The following PTPRN2 variants were observed in gnomAD, a reference collection of about 807,000 sequenced individuals.
The protein encoded by PTPRN2 is receptor-type tyrosine-protein phosphatase N2.
In PTPRN2, 74 loss-of-function variants were observed where a neutral mutation model predicts 118.8. The observed-to-expected ratio is 0.62, with a 90% CI of 0.52 to 0.76. The LOEUF is 0.76. PTPRN2 is among the 30% of genes least tolerant of loss of function. PTPRN2 has a pLI of 0.00. For synonymous variants in PTPRN2, 641 were observed against 608.0 expected (o/e 1.05, Z -0.80); for missense variants, 1,481 against 1,394.4 (o/e 1.06, Z -0.99).
At chr7:158,282,685 C>T (rs1301307081) in intron 3 of PTPRN2, among the ~76,000 whole-genome samples, 1 of 149,410 alleles carries the variant, frequency 6.7e-6, no homozygotes, top group Non-Finnish European at 1.5e-5. Context: ...TGGTGCTCCA[C>T]ACACAGCAGC....
chr7:158,551,235 AAGG>A (rs899610618), intron 1 of PTPRN2, among the ~76,000 whole-genome samples: 1 of 152,202 alleles, frequency 6.6e-6, no homozygotes, highest in African/African-American at 2.4e-5. Context: ...CCATGGTGGG[AAGG>A]AGGAGGGCAG....
chr7:158,146,224 A>G (rs767591048), intron 6 of PTPRN2, among the ~76,000 whole-genome samples: 1 of 152,140 alleles, frequency 6.6e-6, no homozygotes, highest in African/African-American at 2.4e-5. Flanking sequence ...CTTGCTCAAG[A>G]TCTAATTCAA....
intron 18 of PTPRN2, among the ~76,000 whole-genome samples, chr7:157,577,678 T>G (rs1800129917): frequency 6.6e-6 from 1 of 152,140 alleles, no homozygotes; most frequent in South Asian, 2.1e-4. Context: ...GAGGCGAATG[T>G]TTTTTCTACT....
rs560193531 is a variant in PTPRN2, at chr7:158,440,905, G to A, written c.163+48830C>T. Among the ~76,000 whole-genome samples, 56 of 148,760 alleles carry A rather than the reference G, an allele frequency of 3.8e-4. 2 individuals are homozygous for A. The highest frequency in any genetic ancestry group is 1.4e-3 in the African/African-American group (55 of 39,200). Reference sequence around the variant, plus strand: ...GGTGGTGAAGGTGGTGGTGGTGACGGTGATGATGATGGTAGTGATAGTGGT... The same window carrying A: ...GGTGGTGAAGGTGGTGGTGGTGACGATGATGATGATGGTAGTGATAGTGGT... On this transcript the variant is annotated intron_variant, in intron 2 of 22. Transcript: ENST00000389418.
rs372128552 is a variant in PTPRN2 at position 157,984,612 on chromosome 7, G to A, written c.1724-85875C>T. ...GGTGCTGGGGGCTGGCGCTGTTCCC[G>A]CCGCGCCCTCCATGAAGCTGACTCT... On this transcript the variant is annotated intron_variant, in intron 11 of 22. Coordinates refer to ENST00000389418, the MANE Select transcript of PTPRN2 (RefSeq NM_002847.5). 1.5e-3 allele frequency among the ~76,000 whole-genome samples: 225 copies of A among 152,132 alleles called. 4 individuals are homozygous for A. In the South Asian group the frequency reaches 0.044, roughly 30 times the overall value.
chr7:158,330,864 C>A (rs1414760035), intron 2 of PTPRN2, among the ~76,000 whole-genome samples: 9 of 96,362 alleles, frequency 9.3e-5, no homozygotes, highest in African/African-American at 3.1e-4. Context: ...GAGCTGATGC[C>A]CGCAGACGTC....
chr7:157,570,121 C>T (rs980656714), intron 20 of PTPRN2, among the ~76,000 whole-genome samples: 1 of 152,270 alleles, frequency 6.6e-6, no homozygotes, highest in African/African-American at 2.4e-5. Context: ...ATCCTCACAC[C>T]CTCACTGCAT....
chr7:157,850,139 T>C (rs1200342786), intron 12 of PTPRN2, among the ~76,000 whole-genome samples: 1 of 152,218 alleles, frequency 6.6e-6, no homozygotes, highest in Non-Finnish European at 1.5e-5. Flanking sequence ...GAGCTCAGGT[T>C]ATCCCCTCTC....
chr7:158,107,116 G>A (rs574138361), intron 10 of PTPRN2, among the ~76,000 whole-genome samples: 5 of 152,108 alleles, frequency 3.3e-5, no homozygotes, highest in Non-Finnish European at 5.9e-5. Flanking sequence ...AAGGGTCCAC[G>A]TGCCCCACAT....
At chr7:158,106,760 T>C (rs187713854) in intron 10 of PTPRN2, among the ~76,000 whole-genome samples, 1 of 152,288 alleles carries the variant, frequency 6.6e-6, no homozygotes, top group East Asian at 1.9e-4. Flanking sequence ...TCACAGAAGA[T>C]TAATCCTTGA....
At chr7:158,361,454 GAGA>G (rs1410273269) in intron 2 of PTPRN2, among the ~76,000 whole-genome samples, 1 of 152,202 alleles carries the variant, frequency 6.6e-6, no homozygotes, top group Non-Finnish European at 1.5e-5. Flanking sequence ...CAGCTGGCTG[GAGA>G]AGGACGCTGT....
chr7:157,696,149 C>T (rs1797761955), intron 12 of PTPRN2, among the ~76,000 whole-genome samples: 1 of 142,656 alleles, frequency 7.0e-6, no homozygotes, highest in Admixed American at 6.9e-5. Context: ...GAGCCCTCAC[C>T]ATCTACCCAT....
intron 2 of PTPRN2, among the ~76,000 whole-genome samples, chr7:158,481,691 T>G (rs548401070): frequency 6.6e-6 from 1 of 152,326 alleles, no homozygotes; most frequent in East Asian, 1.9e-4. Context: ...CTTGAACTCC[T>G]GACCTTGTGA....
intron 1 of PTPRN2, among the ~76,000 whole-genome samples, chr7:158,562,331 C>T (rs1017494513): frequency 6.6e-6 from 1 of 152,130 alleles, no homozygotes; most frequent in East Asian, 1.9e-4. Context: ...CAGGAGCATC[C>T]ACCTTTGAGA....
chr7:158,118,044 G>A (rs1235040423), intron 9 of PTPRN2, among the ~76,000 whole-genome samples: 1 of 152,068 alleles, frequency 6.6e-6, no homozygotes. Context: ...TTGTAACAGT[G>A]GTTTGTAACT....
intron 12 of PTPRN2, among the ~76,000 whole-genome samples, chr7:157,772,082 CAG>C (rs1278355366): frequency 6.6e-6 from 1 of 150,888 alleles, no homozygotes; most frequent in African/African-American, 2.4e-5. Context: ...ACACAGAACA[CAG>C]ACACAAACAC....
At chr7:158,297,041 A>G (rs1206779983) in intron 3 of PTPRN2, among the ~76,000 whole-genome samples, 3 of 152,234 alleles carry the variant, frequency 2.0e-5, no homozygotes, top group African/African-American at 7.2e-5. Flanking sequence ...ATAGCATTCC[A>G]TCCAAACACA....
intron 12 of PTPRN2, among the ~76,000 whole-genome samples, chr7:157,760,138 G>T (rs1802043213): frequency 6.6e-6 from 1 of 152,118 alleles, no homozygotes; most frequent in African/African-American, 2.4e-5. Context: ...GCCTCCTTCT[G>T]CCCCCACATC....
At chr7:158,537,458 GC>G (rs1825715729) in intron 1 of PTPRN2, 1 of 152,300 alleles carries the variant, frequency 6.6e-6, no homozygotes, top group Non-Finnish European at 1.5e-5. Context: ...GCCAGCGGGG[GC>G]TGTCGCCAGG....
Sources: allele counts gnomAD v4.1 joint callset (sites outside exome capture counted in the v4.1 genomes callset), GRCh38; gene constraint gnomAD v4.1.1; transcripts MANE v1.5; gene names NCBI Gene and HGNC (gene_info 2026-07-23, HGNC 2026-07-21).